Variants in POPDC1 observed in about 807,000 individuals in gnomAD.
POPDC1 encodes popeye domain cAMP effector 1, also known as popeye domain-containing protein 1.
At chr6:105,098,119 G>T in the POPDC1 span, 1 of 152,110 alleles carries the variant, frequency 6.6e-6, no homozygotes, top group Non-Finnish European at 1.5e-5. Flanking sequence ...ATTCAGCTAA[G>T]TAAAGGCCAA....
chr6:105,103,994 A>G, the POPDC1 span, among the ~76,000 whole-genome samples: 1 of 152,202 alleles, frequency 6.6e-6, no homozygotes, highest in South Asian at 2.1e-4. Context: ...CTTACTATAT[A>G]ACATTAAAAG....
At chr6:105,112,837 GA>G in the POPDC1 span, among the ~76,000 whole-genome samples, 1 of 152,150 alleles carries the variant, frequency 6.6e-6, no homozygotes, top group South Asian at 2.1e-4. Flanking sequence ...GAACAGATGT[GA>G]AGGTGACCTG....
the POPDC1 span, chr6:105,100,349 AAT>A: frequency 6.6e-6 from 1 of 151,172 alleles, no homozygotes; most frequent in Non-Finnish European, 1.5e-5. Context: ...CTCTACTAAA[AAT>A]ACAAAAAAAT....
At chr6:105,124,305 C>A in the POPDC1 span, among the ~76,000 whole-genome samples, 51 of 147,010 alleles carry the variant, frequency 3.5e-4, no homozygotes, top group Non-Finnish European at 6.4e-4. Context: ...TGGCGTGAAC[C>A]TGGGAGGCGG....
At chr6:105,111,791 A>G in the POPDC1 span, among the ~76,000 whole-genome samples, 1 of 152,226 alleles carries the variant, frequency 6.6e-6, no homozygotes, top group African/African-American at 2.4e-5. Flanking sequence ...CAGCAATTCC[A>G]TTAAAACAGG....
At chr6:105,103,596 G>A in the POPDC1 span, among the ~76,000 whole-genome samples, 1 of 152,052 alleles carries the variant, frequency 6.6e-6, no homozygotes, top group Non-Finnish European at 1.5e-5. Flanking sequence ...ACAATAAGAT[G>A]GCATGTCTAA....
At chr6:105,115,575 C>T in the POPDC1 span, 1 of 1,340,220 alleles carries the variant, frequency 7.5e-7, no homozygotes, top group Non-Finnish European at 1.0e-6. Context: ...CTTTAGGTTG[C>T]CTTTCAAATA....
At chr6:105,129,527 G>A in the POPDC1 span, 1 of 1,596,156 alleles carries the variant, frequency 6.3e-7, no homozygotes, top group South Asian at 1.1e-5. Flanking sequence ...AAGTTAACAC[G>A]TTAGATAATC....
chr6:105,099,502 C>T, the POPDC1 span: 1 of 152,192 alleles, frequency 6.6e-6, no homozygotes, highest in Non-Finnish European at 1.5e-5. Context: ...ATAGACATGA[C>T]CAGCATGGCC....
the POPDC1 span, among the ~76,000 whole-genome samples, chr6:105,116,115 G>C: frequency 6.6e-6 from 1 of 152,270 alleles, no homozygotes; most frequent in South Asian, 2.1e-4. Context: ...AGATGATTTT[G>C]AAAGGGCACA....
chr6:105,117,408 C>A, the POPDC1 span, among the ~76,000 whole-genome samples: 1 of 152,140 alleles, frequency 6.6e-6, no homozygotes, highest in African/African-American at 2.4e-5. Context: ...ATAGGTGTTT[C>A]TCGAGTGTCA....
chr6:105,111,257 T>C, the POPDC1 span, among the ~76,000 whole-genome samples: 1 of 152,144 alleles, frequency 6.6e-6, no homozygotes, highest in African/African-American at 2.4e-5. Flanking sequence ...CAAGGAAACA[T>C]ATGTCTTCCT....
the POPDC1 span, among the ~76,000 whole-genome samples, chr6:105,128,130 G>A: frequency 1.3e-5 from 2 of 152,192 alleles, no homozygotes; most frequent in African/African-American, 4.8e-5. Flanking sequence ...TGCCAATAAT[G>A]GTTGACAGGA....
At chr6:105,097,477 A>C in the POPDC1 span, 1 of 152,326 alleles carries the variant, frequency 6.6e-6, no homozygotes, top group Non-Finnish European at 1.5e-5. Flanking sequence ...GCTGACCTGC[A>C]TGCCAGGTGC....
chr6:105,132,847 T>C, the POPDC1 span, among the ~76,000 whole-genome samples: 3 of 152,358 alleles, frequency 2.0e-5, no homozygotes, highest in African/African-American at 7.2e-5. Context: ...ACAGCAAATA[T>C]CTTTTCAAGT....
the POPDC1 span, chr6:105,129,230 A>T: frequency 1.9e-6 from 1 of 526,272 alleles, no homozygotes. Context: ...TTTCACTTTC[A>T]GGCATAATGT....
At chr6:105,099,350 T>C in the POPDC1 span, 1 of 152,208 alleles carries the variant, frequency 6.6e-6, no homozygotes, top group Non-Finnish European at 1.5e-5. Flanking sequence ...TATTTATATG[T>C]CTCCTCTAAC....
chr6:105,133,657 T>C, the POPDC1 span: 1 of 1,089,344 alleles, frequency 9.2e-7, no homozygotes, highest in Admixed American at 2.3e-5. Flanking sequence ...TTCATAGGTA[T>C]TATACCAAAA....
chr6:105,124,684 G>T, the POPDC1 span: 1 of 1,437,296 alleles, frequency 7.0e-7, no homozygotes, highest in Non-Finnish European at 9.8e-7. Context: ...GTTAATAAAA[G>T]CAATATTTCA....
Sources: gnomAD v4.1 joint callset for allele counts (sites outside exome capture counted in the v4.1 genomes callset) on GRCh38, gnomAD v4.1.1 for gene constraint, MANE v1.5 for transcripts, NCBI Gene and HGNC (gene_info 2026-07-23, HGNC 2026-07-21) for gene names.